Variants in PRKN observed in about 807,000 individuals in gnomAD.
The protein encoded by PRKN is parkin RBR E3 ubiquitin protein ligase, also known as E3 ubiquitin-protein ligase parkin.
In PRKN, 56 loss-of-function variants were observed where a neutral mutation model predicts 59.5. The ratio of observed to expected loss-of-function variants is 0.94; its 90% CI spans 0.76 to 1.18. The LOEUF is 1.18. Among genes scored for constraint, PRKN ranks in the 50% most tolerant of loss-of-function variants. PRKN has a pLI of 0.00. For missense variants in PRKN, 657 were observed against 596.4 expected, an observed-to-expected ratio of 1.10 and a Z score of -1.06; for synonymous variants, 250 against 222.1, an observed-to-expected ratio of 1.13 and a Z score of -1.12.
chr6:162,486,962 C>T (rs1331116523), intron 1 of PRKN, among the ~76,000 whole-genome samples: 3 of 151,776 alleles, frequency 2.0e-5, no homozygotes, highest in African/African-American at 7.3e-5. Context: ...CACAGCTACT[C>T]GGGAGGCTGA....
At chr6:162,666,324 G>T (rs866137272) in intron 1 of PRKN, among the ~76,000 whole-genome samples, 1 of 152,102 alleles carries the variant, frequency 6.6e-6, no homozygotes, top group Admixed American at 6.6e-5. Context: ...ATTTTCCACT[G>T]ATCTGGGGAA....
At chr6:162,294,262 A>C in intron 2 of PRKN, among the ~76,000 whole-genome samples, 1 of 152,054 alleles carries the variant, frequency 6.6e-6, no homozygotes, top group East Asian at 1.9e-4. Context: ...TCCTGGCCCC[A>C]TTCTCCTCCT....
intron 1 of PRKN, among the ~76,000 whole-genome samples, chr6:162,686,338 A>G (rs1019083589): frequency 6.6e-6 from 1 of 152,192 alleles, no homozygotes; most frequent in African/African-American, 2.4e-5. Flanking sequence ...TTAATAAATG[A>G]TAACTCCTGA....
At chr6:161,669,933 T>TG (rs1479918300) in intron 7 of PRKN, among the ~76,000 whole-genome samples, 2 of 152,252 alleles carry the variant, frequency 1.3e-5, no homozygotes, top group Non-Finnish European at 2.9e-5. Flanking sequence ...CCCAGCATGC[T>TG]GCCCCTTTGC....
chr6:161,729,482 G>A (rs1376003739), intron 7 of PRKN, among the ~76,000 whole-genome samples: 2 of 152,084 alleles, frequency 1.3e-5, no homozygotes, highest in African/African-American at 4.8e-5. Context: ...AATGTCTTCA[G>A]GTAGAGGAAT....
intron 7 of PRKN, among the ~76,000 whole-genome samples, chr6:161,599,972 C>T (rs1355774141): frequency 6.6e-6 from 1 of 152,182 alleles, no homozygotes; most frequent in African/African-American, 2.4e-5. Flanking sequence ...GCAATTTTCC[C>T]AAACATCCCG....
intron 2 of PRKN, among the ~76,000 whole-genome samples, chr6:162,336,686 C>T (rs1001454682): frequency 1.3e-5 from 2 of 152,178 alleles, no homozygotes; most frequent in African/African-American, 2.4e-5. Flanking sequence ...AACACAAAGA[C>T]AAATTAATCT....
chr6:161,640,456 C>A (rs1356882899), intron 7 of PRKN, among the ~76,000 whole-genome samples: 2 of 152,122 alleles, frequency 1.3e-5, no homozygotes, highest in African/African-American at 4.8e-5. Flanking sequence ...CTGTGTCGCA[C>A]AGACAGATGT....
Position 161,425,815 on chromosome 6 carries a change from T to G in PRKN, c.1084-38938A>C, listed in dbSNP as rs147108685. Among the ~76,000 whole-genome samples the G allele has an allele frequency of 5.7e-3, 872 of 152,310 alleles. 11 individuals carry two copies. The highest frequency in any genetic ancestry group is 0.02 in the African/African-American group (837 of 41,558). The stretch of plus-strand genomic sequence containing the variant: ...GGTTGTATAATATAGACGAGACGCC[T>G]TGCCACATCAGTAATTCCCCCCATA... On this transcript the variant is annotated intron_variant, in intron 9 of 11. Coordinates refer to ENST00000366898, the MANE Select transcript of PRKN (RefSeq NM_004562.3).
At chr6:162,540,912 C>G (rs1778903436) in intron 1 of PRKN, among the ~76,000 whole-genome samples, 1 of 152,074 alleles carries the variant, frequency 6.6e-6, no homozygotes, top group Non-Finnish European at 1.5e-5. Context: ...AGAAAACAAT[C>G]TCTAAAGTCA....
At chr6:161,706,637 C>T (rs776576673) in intron 7 of PRKN, among the ~76,000 whole-genome samples, 2 of 152,102 alleles carry the variant, frequency 1.3e-5, no homozygotes, top group Non-Finnish European at 2.9e-5. Flanking sequence ...GGCTGGAGTG[C>T]GGTGGCGCAA....
At chr6:161,851,411 T>C (rs1347128498) in intron 6 of PRKN, among the ~76,000 whole-genome samples, 1 of 152,166 alleles carries the variant, frequency 6.6e-6, no homozygotes, top group Non-Finnish European at 1.5e-5. Flanking sequence ...CAAAAGAGAA[T>C]AAGCCGATTA....
intron 1 of PRKN, among the ~76,000 whole-genome samples, chr6:162,480,093 T>C (rs1490311698): frequency 6.6e-6 from 1 of 151,968 alleles, no homozygotes; most frequent in East Asian, 1.9e-4. Context: ...ATAAGTTCTA[T>C]AAAATAACTA....
At chr6:161,861,717 T>C (rs1405034847) in intron 6 of PRKN, among the ~76,000 whole-genome samples, 1 of 152,076 alleles carries the variant, frequency 6.6e-6, no homozygotes, top group African/African-American at 2.4e-5. Context: ...CCTTGAAATG[T>C]CTCACAATCT....
intron 6 of PRKN, among the ~76,000 whole-genome samples, chr6:161,852,377 C>G (rs2128222745): frequency 6.6e-6 from 1 of 152,014 alleles, no homozygotes; most frequent in Admixed American, 6.6e-5. Flanking sequence ...CACTTGAACC[C>G]AAGAGTTTGA....
intron 1 of PRKN, among the ~76,000 whole-genome samples, chr6:162,550,312 G>A (rs1052665272): frequency 1.3e-5 from 2 of 152,158 alleles, no homozygotes; most frequent in African/African-American, 4.8e-5. Context: ...CTGTCCCAAG[G>A]GAGAAAGAAA....
intron 7 of PRKN, among the ~76,000 whole-genome samples, chr6:161,572,833 G>A (rs1311440566): frequency 6.6e-6 from 1 of 152,122 alleles, no homozygotes; most frequent in Non-Finnish European, 1.5e-5. Context: ...ACGGAGACTT[G>A]CAGGCTGAAG....
rs142902775 is a variant in PRKN at position 161,636,148 on chromosome 6, C to T, written c.872-66732G>A. On this transcript the variant is annotated intron_variant, in intron 7 of 11. Transcript: ENST00000366898. ...TAGAGACAAGGCCACCCTGACAAGG[C>T]ACTGTGCTGGGCATGTGATGTGCTG... Among the ~76,000 whole-genome samples the T allele has an allele frequency of 2.6e-3, 390 of 152,372 alleles. 1 individual carries two copies. Among genetic ancestry groups the T allele is most frequent in the African/African-American group, 8.5e-3 (355 of 41,592 alleles).
At chr6:162,596,236 T>C (rs1781490618) in intron 1 of PRKN, among the ~76,000 whole-genome samples, 1 of 152,184 alleles carries the variant, frequency 6.6e-6, no homozygotes, top group Non-Finnish European at 1.5e-5. Context: ...CATAAGACAA[T>C]GGTTTATCAA....
Sources: gnomAD v4.1 joint callset for allele counts (sites outside exome capture counted in the v4.1 genomes callset) on GRCh38, gnomAD v4.1.1 for gene constraint, MANE v1.5 for transcripts, NCBI Gene and HGNC (gene_info 2026-07-23, HGNC 2026-07-21) for gene names.